TPRG1: variants seen among roughly 807,000 people sequenced by gnomAD.
The protein encoded by TPRG1 is tumor protein p63 regulated 1.
Under a neutral mutation model 29.3 loss-of-function variants are expected in TPRG1, and 29 were observed. That is an observed-to-expected ratio of 0.99 (90% confidence interval 0.74 to 1.35). The LOEUF (loss-of-function observed/expected upper bound fraction) is 1.35. Among genes scored for constraint, TPRG1 ranks in the 40% most tolerant of loss-of-function variants. The pLI is 0.00. For missense variants in TPRG1, 327 were observed against 335.0 expected, an observed-to-expected ratio of 0.98 and a Z score of 0.19; for synonymous variants, 130 against 116.8, an observed-to-expected ratio of 1.11 and a Z score of -0.73.
intron 5 of TPRG1, among the ~76,000 whole-genome samples, chr3:189,156,607 G>A (rs1024860680): frequency 1.3e-5 from 2 of 152,124 alleles, no homozygotes; most frequent in Non-Finnish European, 1.5e-5. Context: ...CTTTCTGCTC[G>A]GGCTATGCTA....
chr3:189,005,163 C>G (rs185487643), intron 3 of TPRG1, among the ~76,000 whole-genome samples: 1 of 152,206 alleles, frequency 6.6e-6, no homozygotes, highest in Non-Finnish European at 1.5e-5. Flanking sequence ...ACTTTTAAAC[C>G]AATGCCTTAT....
intron 1 of TPRG1, among the ~76,000 whole-genome samples, chr3:189,199,562 G>A (rs773683319): frequency 6.6e-5 from 10 of 152,156 alleles, no homozygotes; most frequent in East Asian, 1.9e-4. Context: ...ATCCAGGGCC[G>A]GGCCCGATGG....
intron 5 of TPRG1, among the ~76,000 whole-genome samples, chr3:189,152,157 C>G (rs1394298970): frequency 1.3e-5 from 2 of 151,850 alleles, no homozygotes; most frequent in Non-Finnish European, 1.5e-5. Flanking sequence ...GTTTCTGCTT[C>G]CCTTAAGATC....
intron 4 of TPRG1, among the ~76,000 whole-genome samples, chr3:189,252,576 G>A (rs1444945972): frequency 1.3e-5 from 2 of 152,162 alleles, no homozygotes; most frequent in East Asian, 3.9e-4. Flanking sequence ...AGGAGGGGAA[G>A]ACTATGGTTC....
At chr3:189,276,483 A>G (rs1055329495) in intron 4 of TPRG1, among the ~76,000 whole-genome samples, 3 of 152,204 alleles carry the variant, frequency 2.0e-5, no homozygotes, top group African/African-American at 4.8e-5. Context: ...GCAACTTCCC[A>G]TAAAATTGAG....
At chr3:189,022,575 G>C (rs1257367403) in intron 3 of TPRG1, among the ~76,000 whole-genome samples, 2 of 151,770 alleles carry the variant, frequency 1.3e-5, no homozygotes, top group Admixed American at 1.3e-4. Flanking sequence ...CACTTGAGGA[G>C]GCAGTCTGCC....
rs182484207 is a variant in TPRG1, at chr3:189,229,996, G to A, written c.303-8737G>A. Among the ~76,000 whole-genome samples, 37 of 152,282 alleles carry A rather than the reference G, an allele frequency of 2.4e-4. No individual in the cohort carries two copies. The East Asian group carries it at 6.9e-3, about 29-fold the overall frequency. On this transcript the variant is annotated intron_variant, in intron 3 of 5. Transcript: ENST00000345063. ...TCCCTCCTTGCAGCCTCCTTAGAAT[G>A]GGGTCTTGTTCTCCTGCCAGCTTCC... is the stretch of plus-strand genomic sequence containing the variant.
intron 4 of TPRG1, among the ~76,000 whole-genome samples, chr3:189,038,724 C>T (rs1714441672): frequency 6.7e-6 from 1 of 150,034 alleles, no homozygotes; most frequent in East Asian, 2.0e-4. Flanking sequence ...ACATTTAAAA[C>T]TGACAAGGGA....
At chr3:189,307,482 G>A (rs1721815229) in intron 4 of TPRG1, among the ~76,000 whole-genome samples, 1 of 152,224 alleles carries the variant, frequency 6.6e-6, no homozygotes, top group Non-Finnish European at 1.5e-5. Flanking sequence ...TCTGATAACT[G>A]ACTGGGATCC....
chr3:189,214,523 C>G (rs1262793946), intron 2 of TPRG1, among the ~76,000 whole-genome samples: 1 of 152,140 alleles, frequency 6.6e-6, no homozygotes, highest in African/African-American at 2.4e-5. Flanking sequence ...CTGACGTTGG[C>G]ACAACCTTCT....
chr3:189,045,893 A>G (rs965500185), intron 4 of TPRG1, among the ~76,000 whole-genome samples: 2 of 152,190 alleles, frequency 1.3e-5, no homozygotes, highest in African/African-American at 4.8e-5. Flanking sequence ...CAAAGGTTCA[A>G]TATACACACC....
At chr3:189,198,185 ACTCCT>A (rs529610053) in intron 1 of TPRG1, among the ~76,000 whole-genome samples, 49 of 151,672 alleles carry the variant, frequency 3.2e-4, no homozygotes, top group Non-Finnish European at 6.0e-4. Context: ...TTTGGAACAC[ACTCCT>A]CTCACACCTC....
rs1253004937 is a variant in TPRG1 at position 189,257,643 on chromosome 3, A to G, written c.479+18734A>G. Among the ~76,000 whole-genome samples, 3 of 152,182 alleles carry G rather than the reference A, an allele frequency of 2.0e-5. 1 individual carries two copies. Among genetic ancestry groups the G allele is most frequent in the Middle Eastern group, 6.3e-3 (2 of 316 alleles). ...TATTCCTGTCACTTTCATGTATACCAATCAAATGTAGATTTGGTCTTTTCA... is the reference window on the plus strand; with the variant it reads ...TATTCCTGTCACTTTCATGTATACCGATCAAATGTAGATTTGGTCTTTTCA... On this transcript the variant is annotated intron_variant, in intron 4 of 5. Transcript: ENST00000345063.
chr3:189,074,493 C>T (rs916479328), intron 4 of TPRG1, among the ~76,000 whole-genome samples: 7 of 151,922 alleles, frequency 4.6e-5, no homozygotes, highest in Non-Finnish European at 7.4e-5. Context: ...TGTGAGCCAC[C>T]GCGCCCGGCC....
At chr3:189,145,178 A>G (rs1725080923) in intron 3 of TPRG1, among the ~76,000 whole-genome samples, 2 of 152,042 alleles carry the variant, frequency 1.3e-5, no homozygotes, top group Non-Finnish European at 2.9e-5. Flanking sequence ...CCTGGCCAAC[A>G]TGGTGAAACC....
At chr3:189,208,005 A>G (rs960418174) in intron 2 of TPRG1, among the ~76,000 whole-genome samples, 2 of 152,182 alleles carry the variant, frequency 1.3e-5, no homozygotes, top group African/African-American at 4.8e-5. Context: ...CTAAGATCGC[A>G]CTGACTCTCT....
chr3:189,142,325 C>A (rs755643695), intron 3 of TPRG1, among the ~76,000 whole-genome samples: 3 of 152,074 alleles, frequency 2.0e-5, no homozygotes, highest in Non-Finnish European at 4.4e-5. Context: ...CCTGCAGACC[C>A]CACAAAAGCA....
intron 4 of TPRG1, among the ~76,000 whole-genome samples, chr3:189,149,719 T>C (rs2108595521): frequency 6.6e-6 from 1 of 152,236 alleles, no homozygotes; most frequent in Middle Eastern, 3.4e-3. Flanking sequence ...CATGGTGGGG[T>C]CAGTTTGCTC....
chr3:189,306,864 T>C (rs1721709002), intron 4 of TPRG1, among the ~76,000 whole-genome samples: 1 of 152,118 alleles, frequency 6.6e-6, no homozygotes, highest in Admixed American at 6.5e-5. Flanking sequence ...TGGTGTGAAA[T>C]GCCCAAAGAC....
Sources: gnomAD v4.1 joint callset for allele counts (sites outside exome capture counted in the v4.1 genomes callset) on GRCh38, gnomAD v4.1.1 for gene constraint, MANE v1.5 for transcripts, NCBI Gene and HGNC (gene_info 2026-07-23, HGNC 2026-07-21) for gene names.